ERV3-1: variants seen among roughly 807,000 people sequenced by gnomAD.
The protein encoded by ERV3-1 is endogenous retrovirus group 3 member 1 Env polyprotein.
Under a neutral mutation model 24.6 loss-of-function variants are expected in ERV3-1, and 36 were observed. The ratio of observed to expected loss-of-function variants is 1.47; its 90% CI spans 1.12 to 1.94. The LOEUF is 1.94. ERV3-1 is among the 30% of genes most tolerant of loss of function. The pLI, the probability that ERV3-1 is intolerant of heterozygous loss-of-function variation, is 0.00. For missense variants in ERV3-1, 578 were observed against 330.9 expected (o/e 1.75, Z -5.79); for synonymous variants, 211 against 122.6 (o/e 1.72, Z -4.76).
At chr7:64,995,422 G>T (rs1452783986) in intron 1 of ERV3-1, among the ~76,000 whole-genome samples, 1 of 152,248 alleles carries the variant, frequency 6.6e-6, no homozygotes, top group Non-Finnish European at 1.5e-5. Context: ...GTATCTGGCA[G>T]TCCTAAGGCT....
At position 65,000,476 on chromosome 7, in the gene ERV3-1, G is replaced by C. The variant is rs950033590; in HGVS notation, c.-389+6065C>G. On this transcript the variant is annotated intron_variant, in intron 1 of 1. Coordinates refer to ENST00000394323, the MANE Select transcript of ERV3-1 (RefSeq NM_001007253.4). ...CTGACCTTGTGATCTGCCCACCTCG[G>C]CCTCCCAAAGTGCTGTGATTACAGG... 4.6e-5 allele frequency among the ~76,000 whole-genome samples: 7 copies of C among 151,920 alleles called. No individual in the cohort carries two copies. In the South Asian group the frequency reaches 1.5e-3, roughly 32 times the overall value.
In ERV3-1 at chr7:64,990,598, C is replaced by G. The variant is rs1426412990; in HGVS notation, c.*614G>C. ...GCAACATGAGCCTACCTTACTTAAA[C>G]ATGTCTTGTGACCTTGCCATGCTAC... On this transcript the variant is annotated 3_prime_UTR_variant, in exon 2 of 2. Coordinates refer to ENST00000394323, the MANE Select transcript of ERV3-1 (RefSeq NM_001007253.4). 2 of 152,274 alleles carry G rather than the reference C, an allele frequency of 1.3e-5. No individual in the cohort carries two copies. Among genetic ancestry groups the G allele is most frequent in the African/African-American group, 2.4e-5 (1 of 41,468 alleles). 9.4% of individuals were successfully genotyped at this position (152,274 alleles called of 1,614,324 possible). A position where few individuals can be genotyped will look rare whatever the true frequency, so the allele number is the denominator to read the frequency against.
At chr7:65,001,795 C>G (rs969238459) in intron 1 of ERV3-1, among the ~76,000 whole-genome samples, 1 of 152,118 alleles carries the variant, frequency 6.6e-6, no homozygotes, top group Admixed American at 6.6e-5. Context: ...TCTTCAAAAC[C>G]AACACATTGT....
chr7:64,997,959 G>A (rs939036718), intron 1 of ERV3-1, among the ~76,000 whole-genome samples: 2 of 152,190 alleles, frequency 1.3e-5, no homozygotes, highest in Admixed American at 1.3e-4. Flanking sequence ...GTTTCACGGA[G>A]GGGCATCTGC....
chr7:64,991,134 T>C lies in ERV3-1; in HGVS notation c.*78A>G. ...AAGGGAGTATAAGGCAAACTCCCAATATGGCTAGGACTATTTGTACTAAGG... is the reference window on the plus strand; with the variant it reads ...AAGGGAGTATAAGGCAAACTCCCAACATGGCTAGGACTATTTGTACTAAGG... On this transcript the variant is annotated 3_prime_UTR_variant, in exon 2 of 2. Transcript: ENST00000394323. 1 of 610,354 alleles carries C rather than the reference T, an allele frequency of 1.6e-6. No individual in the cohort carries two copies. The highest frequency in any genetic ancestry group is 2.9e-6 in the Non-Finnish European group (1 of 341,770). 37.8% of individuals were successfully genotyped at this position (610,354 alleles called of 1,614,324 possible).
Position 64,991,186 on chromosome 7 carries a change from C to G in ERV3-1, c.*26G>C, listed in dbSNP as rs761531222. On this transcript the variant is annotated 3_prime_UTR_variant, in exon 2 of 2. Transcript: ENST00000394323. ...TTTAAATCCTCCAAGGGATGAGAACCAACCTCTGAAAAGGGAATCTGGAGA... is the reference window on the plus strand; with the variant it reads ...TTTAAATCCTCCAAGGGATGAGAACGAACCTCTGAAAAGGGAATCTGGAGA... 2.0e-5 allele frequency: 14 copies of G among 717,632 alleles called. No homozygotes were observed. The Admixed American group carries it at 2.1e-4, about 11-fold the overall frequency. 44.5% of individuals were successfully genotyped at this position (717,632 alleles called of 1,614,324 possible).
chr7:65,000,349 A>G (rs952761089), intron 1 of ERV3-1, among the ~76,000 whole-genome samples: 2 of 152,052 alleles, frequency 1.3e-5, no homozygotes, highest in Non-Finnish European at 2.9e-5. Flanking sequence ...CAGCCTCCCA[A>G]GTAGCTGGGA....
At chr7:64,993,848 G>A (rs1421591954) in intron 1 of ERV3-1, among the ~76,000 whole-genome samples, 1 of 152,134 alleles carries the variant, frequency 6.6e-6, no homozygotes, top group African/African-American at 2.4e-5. Context: ...CTTTTCCTAA[G>A]CTCTGCAGCC....
At chr7:64,994,096 C>T (rs1262337635) in intron 1 of ERV3-1, among the ~76,000 whole-genome samples, 2 of 152,148 alleles carry the variant, frequency 1.3e-5, no homozygotes, top group Non-Finnish European at 2.9e-5. Flanking sequence ...TAGCTCCCTG[C>T]CTGAGGCAAC....
intron 1 of ERV3-1, 142 bp downstream of exon 1, chr7:65,006,399 G>A: frequency 7.3e-7 from 1 of 1,364,604 alleles, no homozygotes; most frequent in South Asian, 1.2e-5. Flanking sequence ...AGGGGACTGA[G>A]GGCCGAGCTG....
intron 1 of ERV3-1, among the ~76,000 whole-genome samples, chr7:64,999,785 T>C (rs1786480678): frequency 6.6e-6 from 1 of 152,204 alleles, no homozygotes; most frequent in Non-Finnish European, 1.5e-5. Flanking sequence ...GTTTTTCTCA[T>C]CTCTGCTCCT....
intron 1 of ERV3-1, among the ~76,000 whole-genome samples, chr7:64,999,850 T>A (rs1786481803): frequency 6.6e-6 from 1 of 152,170 alleles, no homozygotes; most frequent in Non-Finnish European, 1.5e-5. Context: ...TTATCATAGC[T>A]CCAGCAGGAC....
At chr7:64,996,926 G>A (rs1030024249) in intron 1 of ERV3-1, among the ~76,000 whole-genome samples, 3 of 152,236 alleles carry the variant, frequency 2.0e-5, no homozygotes, top group African/African-American at 7.2e-5. Context: ...ATATTCTCCA[G>A]TTCCTGCCAG....
chr7:64,994,050 C>T (rs921637060), intron 1 of ERV3-1, among the ~76,000 whole-genome samples: 1 of 151,952 alleles, frequency 6.6e-6, no homozygotes, highest in African/African-American at 2.4e-5. Context: ...CTTGGCCCAT[C>T]CTGAAAAGGT....
At chr7:64,999,663 T>C (rs1396515644) in intron 1 of ERV3-1, among the ~76,000 whole-genome samples, 1 of 152,226 alleles carries the variant, frequency 6.6e-6, no homozygotes, top group African/African-American at 2.4e-5. Context: ...AACAGGAACT[T>C]ATGAAATCTT....
chr7:64,993,275 T>A lies in ERV3-1; in HGVS notation c.-249A>T, dbSNP rs1786327593. 3 of 427,692 alleles carry A rather than the reference T, an allele frequency of 7.0e-6. No individual in the cohort carries two copies. In the South Asian group the frequency reaches 1.2e-4, roughly 17 times the overall value. The allele number at this position is 427,692 out of a possible 1,614,324, so 26.5% of individuals were successfully genotyped here. ...GCTTCCGGAGTGACCAGAGCAGGGC[T>A]GTTGTCATCTCACTGGCACCTTGGT... On this transcript the variant is annotated 5_prime_UTR_variant, in exon 2 of 2. Coordinates refer to ENST00000394323, the MANE Select transcript of ERV3-1 (RefSeq NM_001007253.4).
chr7:65,000,411 AC>A lies in ERV3-1; in HGVS notation c.-389+6129del, dbSNP rs1386090773. On this transcript the variant is annotated intron_variant, in intron 1 of 1. Coordinates refer to ENST00000394323, the MANE Select transcript of ERV3-1 (RefSeq NM_001007253.4). ...CTAATTTTTTGTATTTTTAGTAGAG[AC>A]GGGGGTGTCATCGTGTTAGCCAGGA... 1.0e-2 allele frequency among the ~76,000 whole-genome samples: 37 copies of A among 3,704 alleles called. No homozygotes were observed. The Non-Finnish European group carries it at 0.1, about 10-fold the overall frequency. 2.4% of individuals were successfully genotyped at this position (3,704 alleles called of 152,430 possible).
chr7:65,006,344 T>C lies in ERV3-1; in HGVS notation c.-389+197A>G, dbSNP rs572161648. The C allele has an allele frequency of 1.4e-4, 124 of 859,734 alleles. 1 individual carries two copies. In the East Asian group the frequency reaches 3.3e-3, roughly 23 times the overall value. 53.3% of individuals were successfully genotyped at this position (859,734 alleles called of 1,614,324 possible). A position where few individuals can be genotyped will look rare whatever the true frequency, so the allele number is the denominator to read the frequency against. Reference sequence around the variant, plus strand: ...GTCACTGCGCAGGGAGGAGACAGGATGCCCGGGGTCCGAGCTGTCAGCCCG... The same window carrying C: ...GTCACTGCGCAGGGAGGAGACAGGACGCCCGGGGTCCGAGCTGTCAGCCCG... On this transcript the variant is annotated intron_variant, in intron 1 of 1. Coordinates refer to ENST00000394323, the MANE Select transcript of ERV3-1 (RefSeq NM_001007253.4).
At chr7:64,996,494 T>G (rs1031705313) in intron 1 of ERV3-1, among the ~76,000 whole-genome samples, 2 of 152,220 alleles carry the variant, frequency 1.3e-5, no homozygotes, top group Non-Finnish European at 2.9e-5. Flanking sequence ...GTGCCTGTAC[T>G]TCATGTATAG....
Sources: allele counts gnomAD v4.1 joint callset (sites outside exome capture counted in the v4.1 genomes callset), GRCh38; gene constraint gnomAD v4.1.1; transcripts MANE v1.5; gene names NCBI Gene and HGNC (gene_info 2026-07-23, HGNC 2026-07-21).